The following KLF9 variants were observed in gnomAD, a reference collection of about 807,000 sequenced individuals.
KLF9 encodes the protein KLF transcription factor 9, also known as Krueppel-like factor 9.
Under a neutral mutation model 17.3 loss-of-function variants are expected in KLF9, and 2 were observed. The ratio of observed to expected loss-of-function variants is 0.12; its 90% confidence interval spans 0.05 to 0.36. The LOEUF (loss-of-function observed/expected upper bound fraction) is 0.36. Among genes scored for constraint, KLF9 ranks in the 10% least tolerant of loss-of-function variants. The pLI is 1.00. For synonymous variants in KLF9, 138 were observed against 139.2 expected (o/e 0.99, Z 0.06); for missense variants, 226 against 333.2 (o/e 0.68, Z 2.51).
At position 70,413,839 on chromosome 9, in the gene KLF9, G is replaced by T. The variant is rs2037351402; in HGVS notation, c.-476C>A. On this transcript the variant is annotated 5_prime_UTR_variant, in exon 1 of 2. Transcript: ENST00000377126. This position sits in a 1 kb window ranked among gnomAD's most constrained non-coding sequence, Gnocchi z 5.6. ...ACATTCACCCGATCACCCCGACGCG[G>T]GTGGCGAGGGTCCCGCCGAGCGCCA... 6.5e-6 allele frequency: 1 copy of T among 152,786 alleles called. No homozygotes were observed. Among genetic ancestry groups the T allele is most frequent in the Non-Finnish European group, 1.5e-5 (1 of 68,174 alleles). 9.5% of individuals were successfully genotyped at this position (152,786 alleles called of 1,614,324 possible).
chr9:70,389,779 C>T (rs923225148), intron 1 of KLF9, among the ~76,000 whole-genome samples: 1 of 152,212 alleles, frequency 6.6e-6, no homozygotes, highest in African/African-American at 2.4e-5. Context: ...TGACTGCCAT[C>T]GCCCTGGCTC....
chr9:70,387,841 G>T lies in KLF9; in HGVS notation c.670C>A (p.Arg224=). ...ATGCTGGGGTGGAACTCGGTGTGCC[G>T]CCGGGCGTGCTTTGTGAGGTGGTCA... is the stretch of plus-strand genomic sequence containing the variant. The part of the protein sequence containing the change: ...RSDHLTKHAR[R]HTEFHPSMIK... The change falls in exon 2 of 2, where the codon CGG becomes AGG. Residue 224 remains arginine, a synonymous_variant. Transcript: ENST00000377126. 1 of 1,613,312 alleles carries T rather than the reference G, an allele frequency of 6.2e-7. No individual in the cohort carries two copies. Among genetic ancestry groups the T allele is most frequent in the East Asian group, 2.2e-5 (1 of 44,814 alleles).
chr9:70,413,500 G>C lies in KLF9; in HGVS notation c.-137C>G. On this transcript the variant is annotated 5_prime_UTR_variant, in exon 1 of 2. Coordinates refer to ENST00000377126, the MANE Select transcript of KLF9 (RefSeq NM_001206.4). The surrounding 1 kb of genome is among the most constrained non-coding windows in gnomAD (Gnocchi z 5.6). Reference sequence around the variant, plus strand: ...GCGGCGGCCAAGGGGGCGGGGGCGCGGGGCGCTTCCGACTCGCAGGAGCGC... The same window carrying C: ...GCGGCGGCCAAGGGGGCGGGGGCGCCGGGCGCTTCCGACTCGCAGGAGCGC... 1 of 950,346 alleles carries C rather than the reference G, an allele frequency of 1.1e-6. No individual in the cohort carries two copies. Among genetic ancestry groups the C allele is most frequent in the Non-Finnish European group, 1.3e-6 (1 of 744,826 alleles). The allele number at this position is 950,346 out of a possible 1,614,324, so 58.9% of individuals were successfully genotyped here. A position where few individuals can be genotyped will look rare whatever the true frequency, so the allele number is the denominator to read the frequency against.
At chr9:70,397,137 A>G (rs960218990) in intron 1 of KLF9, among the ~76,000 whole-genome samples, 2 of 152,168 alleles carry the variant, frequency 1.3e-5, no homozygotes, top group Non-Finnish European at 2.9e-5. Context: ...GAGAAGAGTC[A>G]TTTTGTCTTC....
intron 1 of KLF9, among the ~76,000 whole-genome samples, chr9:70,408,495 C>T (rs2037273096): frequency 6.6e-6 from 1 of 152,148 alleles, no homozygotes; most frequent in South Asian, 2.1e-4. Flanking sequence ...TTCCGTTCCA[C>T]TCATGAAGAG....
Position 70,409,150 on chromosome 9 carries a change from GTA to G in KLF9, c.505+3707_505+3708del, listed in dbSNP as rs1202894272. On this transcript the variant is annotated intron_variant, in intron 1 of 1. Transcript: ENST00000377126. ...TATATGTATACATATATATGTATAT[GTA>G]TATATATACACATATATGTATATAT... Among the ~76,000 whole-genome samples the G allele has an allele frequency of 3.2e-3, 160 of 49,858 alleles. 10 individuals carry two copies. Among genetic ancestry groups the G allele is most frequent in the Middle Eastern group, 0.013 (1 of 76 alleles). 32.7% of individuals were successfully genotyped at this position (49,858 alleles called of 152,430 possible).
At chr9:70,409,163 C>T (rs531549544) in intron 1 of KLF9, among the ~76,000 whole-genome samples, 5 of 38,966 alleles carry the variant, frequency 1.3e-4, no homozygotes, top group East Asian at 5.6e-4. Flanking sequence ...TATATATACA[C>T]ATATATGTAT....
chr9:70,412,545 C>T (rs1298304079), intron 1 of KLF9, among the ~76,000 whole-genome samples: 2 of 151,498 alleles, frequency 1.3e-5, no homozygotes, highest in South Asian at 2.1e-4. Context: ...GCCCCACCGT[C>T]GCGGGGTGCG....
rs1236455722 is a variant in KLF9, at chr9:70,413,471, C to A, written c.-108G>T. The A allele has an allele frequency of 4.2e-6, 5 of 1,179,580 alleles. No homozygotes were observed. Among genetic ancestry groups the A allele is most frequent in the Non-Finnish European group, 5.3e-6 (5 of 944,344 alleles). 73.1% of individuals were successfully genotyped at this position (1,179,580 alleles called of 1,614,324 possible). ...ACGACGAGCGCGGCGCGGCGCGGCA[C>A]GGCGCGGCGGCCAAGGGGGCGGGGG... On this transcript the variant is annotated 5_prime_UTR_variant, in exon 1 of 2. Transcript: ENST00000377126. The surrounding 1 kb of genome is among the most constrained non-coding windows in gnomAD (Gnocchi z 5.6).
intron 1 of KLF9, among the ~76,000 whole-genome samples, chr9:70,402,720 T>C (rs949674598): frequency 2.6e-5 from 4 of 152,188 alleles, no homozygotes; most frequent in Non-Finnish European, 5.9e-5. Context: ...TGGCCTATCT[T>C]TCGGGTTGAA....
Position 70,409,314 on chromosome 9 carries a change from T to C in KLF9, c.505+3545A>G, listed in dbSNP as rs138857145. Among the ~76,000 whole-genome samples the C allele has an allele frequency of 6.5e-3, 981 of 149,888 alleles. 12 individuals are homozygous for C. Among genetic ancestry groups the C allele is most frequent in the African/African-American group, 0.023 (935 of 40,772 alleles). On this transcript the variant is annotated intron_variant, in intron 1 of 1. Coordinates refer to ENST00000377126, the MANE Select transcript of KLF9 (RefSeq NM_001206.4). ...GATCTTCAGAATCCTATAACCAGTGTTATCAAACTCAACCCATTGTCACCA... is the reference window on the plus strand; with the variant it reads ...GATCTTCAGAATCCTATAACCAGTGCTATCAAACTCAACCCATTGTCACCA...
intron 1 of KLF9, among the ~76,000 whole-genome samples, chr9:70,398,492 T>A (rs1000927231): frequency 6.6e-6 from 1 of 151,282 alleles, no homozygotes; most frequent in African/African-American, 2.4e-5. Flanking sequence ...TAACAGAATT[T>A]TTTTTTTTTT....
chr9:70,408,722 A>C (rs1168258991), intron 1 of KLF9, among the ~76,000 whole-genome samples: 1 of 152,110 alleles, frequency 6.6e-6, no homozygotes, highest in East Asian at 1.9e-4. Flanking sequence ...AGAGTGCAAG[A>C]AGCTCAGGGC....
At chr9:70,390,827 G>T (rs73647502) in intron 1 of KLF9, among the ~76,000 whole-genome samples, 3,777 of 152,170 alleles carry the variant, frequency 0.025, 134 homozygotes, top group African/African-American at 0.086. Context: ...CATGTTCTAT[G>T]AAAAATATAA....
intron 1 of KLF9, among the ~76,000 whole-genome samples, chr9:70,410,712 C>G (rs980665020): frequency 6.6e-6 from 1 of 152,146 alleles, no homozygotes; most frequent in African/African-American, 2.4e-5. Context: ...GATTTAACAC[C>G]AGCAGAAAGA....
chr9:70,411,418 C>G (rs2037312166), intron 1 of KLF9, among the ~76,000 whole-genome samples: 1 of 152,198 alleles, frequency 6.6e-6, no homozygotes, highest in African/African-American at 2.4e-5. Context: ...TCACATCCCC[C>G]AACACAGGCA....
In KLF9 at chr9:70,414,060, C is replaced by A. The variant is rs548978472; in HGVS notation, c.-697G>T. The stretch of plus-strand genomic sequence containing the variant: ...TACTTTCTCCCCCTGCCAGTCAGAA[C>A]GGCCTTCGGTGGAGAGGTGCGTCTA... On this transcript the variant is annotated 5_prime_UTR_variant, in exon 1 of 2. Transcript: ENST00000377126. The A allele has an allele frequency of 6.6e-6, 1 of 152,624 alleles. No homozygotes were observed. Among genetic ancestry groups the A allele is most frequent in the Non-Finnish European group, 1.5e-5 (1 of 68,084 alleles). 9.5% of individuals were successfully genotyped at this position (152,624 alleles called of 1,614,324 possible).
chr9:70,413,426 T>A lies in KLF9; in HGVS notation c.-63A>T. 4 of 1,437,546 alleles carry A rather than the reference T, an allele frequency of 2.8e-6. No homozygotes were observed. Among genetic ancestry groups the A allele is most frequent in the Non-Finnish European group, 3.6e-6 (4 of 1,098,460 alleles). 89.0% of individuals were successfully genotyped at this position (1,437,546 alleles called of 1,614,324 possible). A position where few individuals can be genotyped will look rare whatever the true frequency, so the allele number is the denominator to read the frequency against. On this transcript the variant is annotated 5_prime_UTR_variant, in exon 1 of 2. Coordinates refer to ENST00000377126, the MANE Select transcript of KLF9 (RefSeq NM_001206.4). This position sits in a 1 kb window ranked among gnomAD's most constrained non-coding sequence, Gnocchi z 5.6. ...TTGGCGGTGGCTGCGGAGGTTCGGC[T>A]CGCCCTGCCCTGGCCTCGGACGACG...
At chr9:70,402,020 TA>T (rs1447872806) in intron 1 of KLF9, among the ~76,000 whole-genome samples, 2 of 150,612 alleles carry the variant, frequency 1.3e-5, no homozygotes, top group African/African-American at 2.4e-5. Context: ...TCAAAAAAAA[TA>T]AATAAATAAA....
Sources: gnomAD v4.1 joint callset for allele counts (sites outside exome capture counted in the v4.1 genomes callset) on GRCh38, gnomAD v4.1.1 for gene constraint, Gnocchi (gnomAD v3.1) non-coding constraint, MANE v1.5 for transcripts, NCBI Gene and HGNC (gene_info 2026-07-23, HGNC 2026-07-21) for gene names.